FRMPD4: variants seen among roughly 807,000 people sequenced by gnomAD.
FRMPD4 encodes FERM and PDZ domain containing 4, also known as FERM and PDZ domain-containing protein 4.
In FRMPD4, 22 loss-of-function variants were observed where a neutral mutation model predicts 94.1. The ratio of observed to expected loss-of-function variants is 0.23; its 90% CI spans 0.17 to 0.33. The LOEUF (loss-of-function observed/expected upper bound fraction) is 0.33, where lower values mean the gene tolerates loss of function less well. Among genes scored for constraint, FRMPD4 ranks in the 10% least tolerant of loss-of-function variants. FRMPD4 has a pLI of 1.00. For missense variants in FRMPD4, 1,111 were observed against 1,339.9 expected (o/e 0.83, Z 2.67); for synonymous variants, 631 against 548.6 (o/e 1.15, Z -2.10).
intron 1 of FRMPD4, among the ~76,000 whole-genome samples, chrX:12,332,270 A>G (rs2055442096): frequency 1.0e-5 from 1 of 96,275 alleles, no homozygotes; most frequent in Admixed American, 1.3e-4. Context: ...GAAGGTAATA[A>G]ATACCATTTA....
At chrX:11,969,117 C>A (rs1006688830) in intron 3 of FRMPD4, among the ~76,000 whole-genome samples, 2 of 112,587 alleles carry the variant, frequency 1.8e-5, no homozygotes, top group East Asian at 5.6e-4. Context: ...CTTCAACATT[C>A]TGGATAATTG....
chrX:12,079,609 G>A (rs981220564), intron 3 of FRMPD4, among the ~76,000 whole-genome samples: 1 of 111,829 alleles, frequency 8.9e-6, no homozygotes, highest in East Asian at 2.8e-4. Flanking sequence ...TTGTATAGAT[G>A]ACCCCATAAA....
chrX:12,350,601 A>C (rs2055787449), intron 1 of FRMPD4, among the ~76,000 whole-genome samples: 1 of 112,389 alleles, frequency 8.9e-6, no homozygotes, highest in Non-Finnish European at 1.9e-5. Flanking sequence ...TTTTGATTAA[A>C]ACTACCCGGA....
intron 2 of FRMPD4, among the ~76,000 whole-genome samples, chrX:12,508,122 A>C (rs2058004784): frequency 8.9e-6 from 1 of 112,476 alleles, no homozygotes; most frequent in Non-Finnish European, 1.9e-5. Flanking sequence ...TTTTGGAAAA[A>C]TGTTGCTTAT....
At chrX:11,838,417 G>A (rs1329586200) in intron 1 of FRMPD4, among the ~76,000 whole-genome samples, 1 of 111,017 alleles carries the variant, frequency 9.0e-6, no homozygotes, top group East Asian at 2.8e-4. Flanking sequence ...TTATTCTGGG[G>A]GTAGGAATCA....
intron 3 of FRMPD4, among the ~76,000 whole-genome samples, chrX:11,930,505 T>C (rs1327257172): frequency 9.0e-6 from 1 of 110,748 alleles, no homozygotes; most frequent in East Asian, 2.9e-4. Flanking sequence ...AAACAAGGGA[T>C]ACCTATAGTC....
At position 12,560,559 on chromosome X, in the gene FRMPD4, A is replaced by G. The variant is rs145379445; in HGVS notation, c.159-49162A>G. 5.2e-3 allele frequency among the ~76,000 whole-genome samples: 568 copies of G among 109,438 alleles called. 1 individual carries two copies. Among genetic ancestry groups the G allele is most frequent in the African/African-American group, 0.016 (478 of 30,275 alleles). Reference sequence around the variant, plus strand: ...CCTGCTAGCCAAACAAGAAAATAAAATTTTGGAGCTTAAAGTTTTATTAGC... The same window carrying G: ...CCTGCTAGCCAAACAAGAAAATAAAGTTTTGGAGCTTAAAGTTTTATTAGC... On this transcript the variant is annotated intron_variant, in intron 2 of 16. Transcript: ENST00000675598.
chrX:12,071,193 T>G (rs2054964567), intron 3 of FRMPD4, among the ~76,000 whole-genome samples: 1 of 110,504 alleles, frequency 9.0e-6, no homozygotes, highest in Admixed American at 9.7e-5. Context: ...CCTCCTGGCT[T>G]CGTCATTCCT....
intron 1 of FRMPD4, among the ~76,000 whole-genome samples, chrX:12,242,798 A>G (rs2053896374): frequency 8.9e-6 from 1 of 112,548 alleles, no homozygotes; most frequent in Admixed American, 9.4e-5. Flanking sequence ...ATGCAGTACC[A>G]CAGTCATAGT....
intron 1 of FRMPD4, among the ~76,000 whole-genome samples, chrX:12,337,383 G>A (rs931159077): frequency 1.8e-5 from 2 of 112,037 alleles, no homozygotes; most frequent in Non-Finnish European, 3.8e-5. Flanking sequence ...TACCTGATTA[G>A]GAAAACTATG....
chrX:12,474,276 C>G (rs2057561541), intron 1 of FRMPD4, among the ~76,000 whole-genome samples: 2 of 110,940 alleles, frequency 1.8e-5, no homozygotes, highest in Admixed American at 9.5e-5. Flanking sequence ...AACAAAGACA[C>G]AACCTACCAG....
intron 1 of FRMPD4, among the ~76,000 whole-genome samples, chrX:12,497,250 T>G (rs1325386848): frequency 8.9e-6 from 1 of 111,759 alleles, no homozygotes; most frequent in Non-Finnish European, 1.9e-5. Context: ...CATTTCTAAC[T>G]GTACTATTAC....
chrX:12,608,490 T>A (rs1602201848), intron 2 of FRMPD4, among the ~76,000 whole-genome samples: 1 of 112,611 alleles, frequency 8.9e-6, no homozygotes, highest in East Asian at 2.8e-4. Flanking sequence ...CACTTGAAAA[T>A]CTTTCCGGAG....
rs35673540 is a variant in FRMPD4 at position 11,951,059 on chromosome X, CAAAAAAA to C, written c.95+73056_95+73062del. On this transcript the variant is annotated intron_variant, in intron 3 of 18. Transcript: ENST00000640291. Reference sequence around the variant, plus strand: ...TGGCAACAAGAGTGAAACTCCATCTCAAAAAAAAAAAAAAAAAAAAAGGAAAAAAACA... The same window carrying C: ...TGGCAACAAGAGTGAAACTCCATCTCAAAAAAAAAAAAAAGGAAAAAAACA... Among the ~76,000 whole-genome samples, 3 of 32,345 alleles carry C rather than the reference CAAAAAAA, an allele frequency of 9.3e-5. No homozygotes were observed. In the East Asian group the frequency reaches 2.6e-3, roughly 28 times the overall value. 28.1% of individuals were successfully genotyped at this position (32,345 alleles called of 115,157 possible). A position where few individuals can be genotyped will look rare whatever the true frequency, so the allele number is the denominator to read the frequency against.
At chrX:11,877,020 CA>C (rs997513833) in intron 2 of FRMPD4, among the ~76,000 whole-genome samples, 2 of 111,691 alleles carry the variant, frequency 1.8e-5, no homozygotes, top group Non-Finnish European at 3.8e-5. Flanking sequence ...GTAGCCAGTC[CA>C]AAAAGTCAAT....
intron 3 of FRMPD4, among the ~76,000 whole-genome samples, chrX:11,885,558 A>G (rs1288483866): frequency 9.0e-6 from 1 of 111,448 alleles, no homozygotes; most frequent in East Asian, 2.8e-4. Flanking sequence ...TACCACAATT[A>G]AACATTTTTT....
At chrX:12,674,217 TGTGA>T (rs1476326743) in intron 4 of FRMPD4, among the ~76,000 whole-genome samples, 1 of 112,216 alleles carries the variant, frequency 8.9e-6, no homozygotes, top group Admixed American at 9.4e-5. Context: ...TGCGGCCTAT[TGTGA>T]GTAATATTTC....
chrX:12,207,473 A>G (rs1353138998), intron 1 of FRMPD4, among the ~76,000 whole-genome samples: 1 of 110,860 alleles, frequency 9.0e-6, no homozygotes, highest in East Asian at 2.8e-4. Context: ...TATTTTGCTG[A>G]TAATAACTGT....
chrX:12,294,485 C>CACACATACACACACAG (rs34874624), intron 1 of FRMPD4, among the ~76,000 whole-genome samples: 6 of 92,078 alleles, frequency 6.5e-5, no homozygotes, highest in Non-Finnish European at 1.3e-4. Flanking sequence ...CACACACACA[C>CACACATACACACACAG]AGAGAGAGAG....
Sources: gnomAD v4.1 joint callset for allele counts (sites outside exome capture counted in the v4.1 genomes callset) on GRCh38, gnomAD v4.1.1 for gene constraint, MANE v1.5 for transcripts, NCBI Gene and HGNC (gene_info 2026-07-23, HGNC 2026-07-21) for gene names.